Variants in KCNC2 observed in about 807,000 individuals in gnomAD.
KCNC2 encodes potassium voltage-gated channel subfamily C member 2.
A neutral mutation model predicts 44.5 loss-of-function variants in KCNC2; 21 were observed. That is an observed-to-expected ratio of 0.47 (90% confidence interval 0.33 to 0.68). The LOEUF is 0.68. Among genes scored for constraint, KCNC2 ranks in the 30% least tolerant of loss-of-function variants. The probability of loss-of-function intolerance (pLI) is 0.01; values close to 1 mark genes in which losing one functional copy is unlikely to be tolerated. For missense variants in KCNC2, 589 were observed against 826.2 expected, an observed-to-expected ratio of 0.71 and a Z score of 3.52; for synonymous variants, 391 against 339.1, an observed-to-expected ratio of 1.15 and a Z score of -1.68.
chr12:75,180,064 T>C (rs951298681), intron 2 of KCNC2, among the ~76,000 whole-genome samples: 4 of 151,934 alleles, frequency 2.6e-5, no homozygotes, highest in African/African-American at 9.7e-5. Flanking sequence ...TTGTTCTTTA[T>C]TATCAAAGGA....
intron 2 of KCNC2, among the ~76,000 whole-genome samples, chr12:75,196,225 C>T (rs1259276393): frequency 6.6e-5 from 10 of 152,024 alleles, no homozygotes; most frequent in Admixed American, 5.2e-4. Flanking sequence ...TTCACCTTGC[C>T]GCTTGCAATA....
At chr12:75,087,446 A>T (rs1432203246) in intron 2 of KCNC2, among the ~76,000 whole-genome samples, 2 of 152,098 alleles carry the variant, frequency 1.3e-5, no homozygotes, top group African/African-American at 4.8e-5. Context: ...TCTTATAAGC[A>T]ATTATTCCTA....
At chr12:75,179,963 T>C (rs993357928) in intron 2 of KCNC2, among the ~76,000 whole-genome samples, 12 of 151,816 alleles carry the variant, frequency 7.9e-5, no homozygotes, top group African/African-American at 2.7e-4. Context: ...GAATATCATC[T>C]ATTTGTAGAC....
At position 75,043,102 on chromosome 12, in the gene KCNC2, G is replaced by A; in HGVS notation, c.*3C>T. 1 of 1,611,362 alleles carries A rather than the reference G, an allele frequency of 6.2e-7. No individual in the cohort carries two copies. Among genetic ancestry groups the A allele is most frequent in the Non-Finnish European group, 8.5e-7 (1 of 1,178,522 alleles). On this transcript the variant is annotated 3_prime_UTR_variant, in exon 5 of 5. Coordinates refer to ENST00000549446, the MANE Select transcript of KCNC2 (RefSeq NM_139137.4). ...GCCGACTGATGCAGTTTGGTTGTTTGGTTTACAAGATAGATGGGATGGGAG... is the reference window on the plus strand; with the variant it reads ...GCCGACTGATGCAGTTTGGTTGTTTAGTTTACAAGATAGATGGGATGGGAG...
intron 2 of KCNC2, among the ~76,000 whole-genome samples, chr12:75,142,629 T>C (rs1357554599): frequency 2.6e-5 from 4 of 152,194 alleles, no homozygotes; most frequent in African/African-American, 9.6e-5. Context: ...TTCCAGAAGA[T>C]TCACTCATGA....
intron 2 of KCNC2, among the ~76,000 whole-genome samples, chr12:75,128,500 C>T (rs915497428): frequency 4.6e-5 from 7 of 151,962 alleles, no homozygotes; most frequent in Admixed American, 6.6e-5. Flanking sequence ...TAAAACAAAA[C>T]GGGTCAAAAA....
intron 2 of KCNC2, among the ~76,000 whole-genome samples, chr12:75,128,940 G>A (rs1888637087): frequency 6.6e-6 from 1 of 152,156 alleles, no homozygotes; most frequent in African/African-American, 2.4e-5. Context: ...ACTAAGGTCA[G>A]GCTGTCACCA....
At chr12:75,165,120 AAGG>A (rs1284350993) in intron 2 of KCNC2, among the ~76,000 whole-genome samples, 1 of 151,662 alleles carries the variant, frequency 6.6e-6, no homozygotes, top group East Asian at 1.9e-4. Context: ...GAAAAATTCT[AAGG>A]AGAACTGATA....
rs756693262 is a variant in KCNC2 at position 75,043,082 on chromosome 12, C to T, written c.*23G>A. On this transcript the variant is annotated 3_prime_UTR_variant, in exon 5 of 5. Transcript: ENST00000549446. ...ACTTGAATTAATACAATTTAGCCGA[C>T]TGATGCAGTTTGGTTGTTTGGTTTA... 2 of 1,609,786 alleles carry T rather than the reference C, an allele frequency of 1.2e-6. No individual in the cohort carries two copies. Among genetic ancestry groups the T allele is most frequent in the South Asian group, 1.1e-5 (1 of 90,608 alleles).
intron 2 of KCNC2, among the ~76,000 whole-genome samples, chr12:75,194,139 C>T (rs763706896): frequency 2.6e-5 from 4 of 152,084 alleles, no homozygotes; most frequent in Non-Finnish European, 5.9e-5. Flanking sequence ...TAGTGTCCCT[C>T]AAAATTCATG....
intron 2 of KCNC2, among the ~76,000 whole-genome samples, chr12:75,180,703 T>C (rs1451736326): frequency 3.3e-5 from 5 of 152,030 alleles, no homozygotes; most frequent in African/African-American, 1.2e-4. Context: ...ATATAATTTT[T>C]ACTGTCAGAC....
At chr12:75,130,746 G>T (rs1177039919) in intron 2 of KCNC2, among the ~76,000 whole-genome samples, 1 of 148,072 alleles carries the variant, frequency 6.8e-6, no homozygotes. Context: ...AAATCATACA[G>T]AAGTTTTCAC....
intron 2 of KCNC2, among the ~76,000 whole-genome samples, chr12:75,186,567 A>T (rs1232192381): frequency 6.6e-6 from 1 of 152,222 alleles, no homozygotes; most frequent in African/African-American, 2.4e-5. Context: ...CAATTATTCA[A>T]GGGACACTTT....
At chr12:75,166,395 G>T (rs1177459093) in intron 2 of KCNC2, among the ~76,000 whole-genome samples, 1 of 149,870 alleles carries the variant, frequency 6.7e-6, no homozygotes, top group Non-Finnish European at 1.5e-5. Flanking sequence ...AATGATGGAT[G>T]GAACATCTAG....
At chr12:75,142,966 A>G (rs1269903509) in intron 2 of KCNC2, among the ~76,000 whole-genome samples, 2 of 152,128 alleles carry the variant, frequency 1.3e-5, no homozygotes, top group Non-Finnish European at 2.9e-5. Context: ...TTACTTTAAA[A>G]GTTTCATGAT....
At chr12:75,173,074 T>C (rs577598040) in intron 2 of KCNC2, among the ~76,000 whole-genome samples, 2 of 152,002 alleles carry the variant, frequency 1.3e-5, no homozygotes, top group African/African-American at 4.8e-5. Context: ...ATAATTACCA[T>C]CCCTTTGAAT....
chr12:75,161,627 T>C (rs866362268), intron 2 of KCNC2, among the ~76,000 whole-genome samples: 1 of 151,782 alleles, frequency 6.6e-6, no homozygotes, highest in Non-Finnish European at 1.5e-5. Flanking sequence ...CTTGGTAAAA[T>C]TTCTGGCCCA....
intron 2 of KCNC2, among the ~76,000 whole-genome samples, chr12:75,125,120 C>G (rs1325521741): frequency 6.6e-6 from 1 of 151,998 alleles, no homozygotes; most frequent in Non-Finnish European, 1.5e-5. Context: ...AAAAATTAAT[C>G]AAAGTTTCTG....
chr12:75,200,874 T>G (rs986323227), intron 2 of KCNC2, among the ~76,000 whole-genome samples: 1 of 151,756 alleles, frequency 6.6e-6, no homozygotes, highest in Non-Finnish European at 1.5e-5. Context: ...TGTAAACACT[T>G]AAATATGTTA....
Sources: allele counts gnomAD v4.1 joint callset (sites outside exome capture counted in the v4.1 genomes callset), GRCh38; gene constraint gnomAD v4.1.1; transcripts MANE v1.5; gene names NCBI Gene and HGNC (gene_info 2026-07-23, HGNC 2026-07-21).